The following STAG1 variants were observed in gnomAD, a reference collection of about 807,000 sequenced individuals.
STAG1 encodes cohesin subunit SA-1.
Under a neutral mutation model 170.9 loss-of-function variants are expected in STAG1, and 26 were observed. The ratio of observed to expected loss-of-function variants is 0.15; its 90% CI spans 0.11 to 0.21. The LOEUF (loss-of-function observed/expected upper bound fraction) is 0.21, where lower values mean the gene tolerates loss of function less well. Among genes scored for constraint, STAG1 ranks in the 10% least tolerant of loss-of-function variants. The pLI is 1.00. For synonymous variants in STAG1, 514 were observed against 497.7 expected, an observed-to-expected ratio of 1.03 and a Z score of -0.44; for missense variants, 964 against 1,509.5, an observed-to-expected ratio of 0.64 and a Z score of 5.99.
At chr3:136,431,974 G>T (rs2088316892) in intron 16 of STAG1, among the ~76,000 whole-genome samples, 1 of 152,088 alleles carries the variant, frequency 6.6e-6, no homozygotes, top group South Asian at 2.1e-4. Context: ...GGTTTTCAGT[G>T]ATTATTTCTT....
chr3:136,581,847 C>A (rs1937596812), intron 4 of STAG1, among the ~76,000 whole-genome samples: 1 of 152,032 alleles, frequency 6.6e-6, no homozygotes, highest in Admixed American at 6.6e-5. Flanking sequence ...AAAAATTAAT[C>A]ATTCCACTTT....
chr3:136,649,503 C>CAA (rs761067087), intron 1 of STAG1, among the ~76,000 whole-genome samples: 2,065 of 70,814 alleles, frequency 0.029, 17 homozygotes, highest in Non-Finnish European at 0.046. Flanking sequence ...AAAACAGAAA[C>CAA]AAAAAAAAAA....
At chr3:136,551,407 A>G (rs1936394968) in intron 5 of STAG1, among the ~76,000 whole-genome samples, 1 of 146,084 alleles carries the variant, frequency 6.8e-6, no homozygotes, top group African/African-American at 2.5e-5. Context: ...GACTATAGGC[A>G]GGCATCAATA....
At chr3:136,747,045 G>A (rs562436624) in intron 1 of STAG1, among the ~76,000 whole-genome samples, 19 of 136,060 alleles carry the variant, frequency 1.4e-4, no homozygotes, top group African/African-American at 4.6e-4. Flanking sequence ...GCAGTGAGCC[G>A]AGATTGCACC....
intron 28 of STAG1, among the ~76,000 whole-genome samples, chr3:136,353,920 T>C (rs1306493969): frequency 1.3e-5 from 2 of 152,238 alleles, no homozygotes; most frequent in Non-Finnish European, 2.9e-5. Flanking sequence ...TACTGTATTG[T>C]TGGGTCAATA....
intron 1 of STAG1, among the ~76,000 whole-genome samples, chr3:136,693,534 G>A (rs1942789648): frequency 6.6e-6 from 1 of 152,170 alleles, no homozygotes; most frequent in Admixed American, 6.5e-5. Context: ...TTTACATTAA[G>A]GACAGATTTC....
intron 2 of STAG1, among the ~76,000 whole-genome samples, chr3:136,624,796 T>C (rs553243422): frequency 4.6e-5 from 7 of 152,306 alleles, no homozygotes; most frequent in Admixed American, 2.0e-4. Flanking sequence ...ATGACCAAAG[T>C]GGCATAACCA....
chr3:136,652,766 A>T (rs563350406), intron 1 of STAG1, among the ~76,000 whole-genome samples: 2 of 152,326 alleles, frequency 1.3e-5, no homozygotes, highest in South Asian at 4.1e-4. Flanking sequence ...AATAAACTCC[A>T]TTCAAAATGG....
chr3:136,565,433 GATCATTAGGC>G (rs756504671), intron 5 of STAG1, among the ~76,000 whole-genome samples: 7 of 152,154 alleles, frequency 4.6e-5, no homozygotes, highest in Admixed American at 2.0e-4. Context: ...AGAAGTTCAA[GATCATTAGGC>G]ATTAAGTGCA....
At chr3:136,745,003 C>G (rs919080363) in intron 1 of STAG1, among the ~76,000 whole-genome samples, 3 of 152,064 alleles carry the variant, frequency 2.0e-5, no homozygotes, top group African/African-American at 7.2e-5. Flanking sequence ...TAGAAAAGAT[C>G]AGAAAATATC....
chr3:136,699,247 T>C (rs1263003081), intron 1 of STAG1, among the ~76,000 whole-genome samples: 3 of 152,214 alleles, frequency 2.0e-5, no homozygotes, highest in Admixed American at 1.3e-4. Flanking sequence ...CTTCCTTTAA[T>C]GTCTCAATAG....
intron 13 of STAG1, among the ~76,000 whole-genome samples, chr3:136,463,767 G>GTGTGTGTGTGTGTGTGTA (rs1375220735): frequency 1.7e-5 from 1 of 58,740 alleles, no homozygotes; most frequent in African/African-American, 4.1e-5. Context: ...GTGTGTGTGT[G>GTGTGTGTGTGTGTGTGTA]TATACACACA....
chr3:136,490,778 A>T (rs2090111125), intron 9 of STAG1, among the ~76,000 whole-genome samples: 1 of 152,232 alleles, frequency 6.6e-6, no homozygotes, highest in South Asian at 2.1e-4. Context: ...TAAAAGGATG[A>T]AAAGACTCAA....
At chr3:136,642,629 T>C (rs1383033895) in intron 1 of STAG1, among the ~76,000 whole-genome samples, 1 of 152,248 alleles carries the variant, frequency 6.6e-6, no homozygotes, top group Non-Finnish European at 1.5e-5. Context: ...GATAATTTTG[T>C]ATGGGAATAA....
At chr3:136,687,414 T>C (rs755555286) in intron 1 of STAG1, among the ~76,000 whole-genome samples, 1 of 152,214 alleles carries the variant, frequency 6.6e-6, no homozygotes, top group Non-Finnish European at 1.5e-5. Context: ...TATTACCATA[T>C]TTTTCTTTAC....
At chr3:136,464,409 G>C (rs1306895185) in intron 13 of STAG1, among the ~76,000 whole-genome samples, 1 of 149,758 alleles carries the variant, frequency 6.7e-6, no homozygotes, top group Admixed American at 6.7e-5. Flanking sequence ...GGCAACAAGA[G>C]CGAAACTCCG....
intron 24 of STAG1, among the ~76,000 whole-genome samples, chr3:136,367,478 C>T (rs574617721): frequency 1.3e-5 from 2 of 152,064 alleles, no homozygotes; most frequent in South Asian, 2.1e-4. Flanking sequence ...GAATCAATCC[C>T]CCACAATACT....
intron 21 of STAG1, among the ~76,000 whole-genome samples, chr3:136,400,816 G>C (rs1490464675): frequency 6.6e-6 from 1 of 152,162 alleles, no homozygotes; most frequent in Non-Finnish European, 1.5e-5. Context: ...TTACAGGTGT[G>C]AGCCACCGTG....
rs1420752720 is a variant in STAG1, at chr3:136,650,351, T to C, written c.-83-19370A>G. 2.6e-5 allele frequency among the ~76,000 whole-genome samples: 4 copies of C among 151,372 alleles called. No individual in the cohort carries two copies. The East Asian group carries it at 7.7e-4, about 29-fold the overall frequency. ...AACTTATCAAAATATACAGAATAAA[T>C]ATGAAGAAAATAGTCATTTTTAAAG... On this transcript the variant is annotated intron_variant, in intron 1 of 33. Transcript: ENST00000383202.
Sources: gnomAD v4.1 joint callset for allele counts (sites outside exome capture counted in the v4.1 genomes callset) on GRCh38, gnomAD v4.1.1 for gene constraint, MANE v1.5 for transcripts, NCBI Gene and HGNC (gene_info 2026-07-23, HGNC 2026-07-21) for gene names.